The following PHKA2 variants were observed in gnomAD, a reference collection of about 807,000 sequenced individuals.
PHKA2 encodes the protein phosphorylase b kinase regulatory subunit alpha, liver isoform.
A neutral mutation model predicts 102.0 loss-of-function variants in PHKA2; 31 were observed. The ratio of observed to expected loss-of-function variants is 0.30; its 90% CI spans 0.23 to 0.41. The LOEUF is 0.41. PHKA2 is among the 10% of genes least tolerant of loss of function. The pLI, the probability that PHKA2 is intolerant of heterozygous loss-of-function variation, is 1.00. For missense variants in PHKA2, 858 were observed against 1,023.1 expected (o/e 0.84, Z 2.20); for synonymous variants, 455 against 416.2 (o/e 1.09, Z -1.13).
chrX:18,910,550 A>G (rs1318472525), intron 20 of PHKA2, among the ~76,000 whole-genome samples: 1 of 112,268 alleles, frequency 8.9e-6, no homozygotes, highest in African/African-American at 3.2e-5. Context: ...TTGGCTGGCT[A>G]AACAGTTAGG....
chrX:18,918,344 T>G (rs746720862), intron 19 of PHKA2, among the ~76,000 whole-genome samples: 1 of 112,484 alleles, frequency 8.9e-6, no homozygotes, highest in East Asian at 2.8e-4. Flanking sequence ...GAATACTGAT[T>G]TAACTAAACT....
At chrX:18,952,177 T>C (rs758042423) in intron 3 of PHKA2, among the ~76,000 whole-genome samples, 35 of 86,374 alleles carry the variant, frequency 4.1e-4, no homozygotes, top group African/African-American at 1.5e-3. Flanking sequence ...AGTGAGATAT[T>C]GTATCTACAA....
Position 18,918,758 on chromosome X carries a change from C to A in PHKA2, c.2060G>T (p.Arg687Leu). The A allele has an allele frequency of 8.3e-7, 1 of 1,205,819 alleles. No homozygotes were observed. The highest frequency in any genetic ancestry group is 1.1e-6 in the Non-Finnish European group (1 of 889,991). Residue 687 changes from arginine (R) to leucine (L), a missense_variant, in exon 19 of 33, where the codon CGC becomes CTC. Transcript: ENST00000379942. ...LPPLCKNTEDRHVFSAIHSTR... is the reference protein window; with the variant it reads ...LPPLCKNTEDLHVFSAIHSTR... ...GGAGTGGATAGCACTGAAGACATGGCGGTCTTCTGTGTTCTTACAAAGAGG... is the reference window on the plus strand; with the variant it reads ...GGAGTGGATAGCACTGAAGACATGGAGGTCTTCTGTGTTCTTACAAAGAGG...
chrX:18,952,536 C>T lies in PHKA2; in HGVS notation c.243G>A (p.Val81=), dbSNP rs749845083. The T allele has an allele frequency of 3.9e-5, 47 of 1,208,591 alleles. No individual in the cohort carries two copies. Among genetic ancestry groups the T allele is most frequent in the Non-Finnish European group, 5.3e-5 (47 of 894,189 alleles). ...GGAGAAGACCTCGCATCAGCTTCAC[C>T]ACGTTCTGTGGAGATAAAGCAGAAT... The part of the protein sequence containing the change: ...KAKAYELEQN[V]VKLMRGLLQC... Residue 81 remains valine (V), a synonymous_variant, in exon 3 of 33, where the codon GTG becomes GTA. Coordinates refer to ENST00000379942, the MANE Select transcript of PHKA2 (RefSeq NM_000292.3).
In PHKA2 at chrX:18,983,891, G is replaced by A. The variant is rs771111943; in HGVS notation, c.42C>T (p.Tyr14=). ...GGATGGTTTGCTGCACCAGCCGCGC[G>A]TACCCGTCCAAGCGGACCCCGGAAT... The part of the protein sequence containing the change: ...RSNSGVRLDG[Y]ARLVQQTILC... Residue 14 remains tyrosine, a synonymous_variant, in exon 1 of 33, where the codon TAC becomes TAT. Transcript: ENST00000379942. The A allele has an allele frequency of 4.8e-5, 58 of 1,210,267 alleles. No individual in the cohort carries two copies. Among genetic ancestry groups the A allele is most frequent in the Non-Finnish European group, 6.3e-5 (56 of 894,772 alleles).
At chrX:18,974,266 T>A (rs1409712032) in intron 1 of PHKA2, among the ~76,000 whole-genome samples, 1 of 111,192 alleles carries the variant, frequency 9.0e-6, no homozygotes, top group Non-Finnish European at 1.9e-5. Flanking sequence ...AGCAGAACTC[T>A]TCAGAAGAAC....
chrX:18,919,793 ACT>A (rs1417403013), intron 18 of PHKA2, among the ~76,000 whole-genome samples: 1 of 108,497 alleles, frequency 9.2e-6, no homozygotes, highest in African/African-American at 3.3e-5. Context: ...CATTCCTGAA[ACT>A]CTTTGTCCTT....
chrX:18,917,479 A>G (rs2048038712), intron 19 of PHKA2, among the ~76,000 whole-genome samples: 1 of 109,973 alleles, frequency 9.1e-6, no homozygotes, highest in Non-Finnish European at 1.9e-5. Context: ...GGCTAGTCTC[A>G]AAGTCCTGGC....
intron 6 of PHKA2, 99 bp downstream of exon 6, chrX:18,944,979 C>A: frequency 1.6e-6 from 1 of 609,687 alleles, no homozygotes; most frequent in Non-Finnish European, 2.9e-6. Flanking sequence ...TGACTTTTGA[C>A]AAATATGCTA....
chrX:18,910,794 C>A, intron 20 of PHKA2, 78 bp downstream of exon 20: 2 of 571,455 alleles, frequency 3.5e-6, no homozygotes, highest in Non-Finnish European at 6.0e-6. Flanking sequence ...TTGAGTTTAG[C>A]CATTTGGAAG....
At chrX:18,936,950 C>G (rs938843674) in intron 10 of PHKA2, among the ~76,000 whole-genome samples, 22 of 112,251 alleles carry the variant, frequency 2.0e-4, no homozygotes, top group African/African-American at 6.5e-4. Flanking sequence ...TAAGCCTATT[C>G]ACAACTGAAA....
chrX:18,901,972 A>G (rs1210123283), intron 26 of PHKA2, among the ~76,000 whole-genome samples: 1 of 108,876 alleles, frequency 9.2e-6, no homozygotes, highest in Non-Finnish European at 1.9e-5. Flanking sequence ...CCTCCCGAGT[A>G]ACTGGGATTA....
chrX:18,943,269 T>G (rs776165290), intron 7 of PHKA2, among the ~76,000 whole-genome samples: 1 of 111,601 alleles, frequency 9.0e-6, no homozygotes. Flanking sequence ...TTCCCATCTT[T>G]CCCATCTCAT....
intron 22 of PHKA2, among the ~76,000 whole-genome samples, chrX:18,907,353 C>CTAA (rs1369386435): frequency 8.9e-6 from 1 of 112,440 alleles, no homozygotes; most frequent in Non-Finnish European, 1.9e-5. Flanking sequence ...CGTCAGTGGG[C>CTAA]GTTTAATGCC....
chrX:18,971,256 C>T (rs1182288446), intron 1 of PHKA2, among the ~76,000 whole-genome samples: 1 of 112,469 alleles, frequency 8.9e-6, no homozygotes, highest in African/African-American at 3.2e-5. Context: ...TGCTTTAAAA[C>T]TGTTGCCATC....
Position 18,927,541 on chromosome X carries a change from C to A in PHKA2, c.1325-954G>T, listed in dbSNP as rs150449130. On this transcript the variant is annotated intron_variant, in intron 13 of 32. Transcript: ENST00000379942. ...TAAGTACAATCATTGTACTCACAGG[C>A]TAGTGGGGCCGGAATGTACAATACA... Among the ~76,000 whole-genome samples, 676 of 112,167 alleles carry A rather than the reference C, an allele frequency of 6.0e-3. 6 individuals are homozygous for A. Among genetic ancestry groups the A allele is most frequent in the African/African-American group, 0.02 (621 of 30,917 alleles).
At chrX:18,905,505 G>A (rs1037677096) in intron 26 of PHKA2, among the ~76,000 whole-genome samples, 3 of 110,672 alleles carry the variant, frequency 2.7e-5, no homozygotes, top group Non-Finnish European at 5.7e-5. Flanking sequence ...GGTGCCAGGT[G>A]CTTACGACTA....
At chrX:18,928,261 A>G (rs983936836) in intron 13 of PHKA2, among the ~76,000 whole-genome samples, 14 of 111,155 alleles carry the variant, frequency 1.3e-4, no homozygotes, top group Non-Finnish European at 2.5e-4. Context: ...CATCATCTCA[A>G]ACTTTACCTA....
chrX:18,951,423 A>G lies in PHKA2; in HGVS notation c.286-151T>C, dbSNP rs757950745. ...AGGCAGCTGCTAGGCAGCACCGCACAGAGGGACTGTGCTGGGGATTCTTTT... is the reference window on the plus strand; with the variant it reads ...AGGCAGCTGCTAGGCAGCACCGCACGGAGGGACTGTGCTGGGGATTCTTTT... On this transcript the variant is annotated intron_variant, in intron 3 of 32. Coordinates refer to ENST00000379942, the MANE Select transcript of PHKA2 (RefSeq NM_000292.3). 52 of 576,724 alleles carry G rather than the reference A, an allele frequency of 9.0e-5. No homozygotes were observed. The East Asian group carries it at 1.8e-3, about 20-fold the overall frequency. 47.5% of individuals were successfully genotyped at this position (576,724 alleles called of 1,213,427 possible).
Sources: gnomAD v4.1 joint callset for allele counts (sites outside exome capture counted in the v4.1 genomes callset) on GRCh38, gnomAD v4.1.1 for gene constraint, MANE v1.5 for transcripts, NCBI Gene and HGNC (gene_info 2026-07-23, HGNC 2026-07-21) for gene names.